PRKCE: variants seen among roughly 807,000 people sequenced by gnomAD.
PRKCE encodes protein kinase C epsilon type.
PRKCE carries 16 observed loss-of-function variants against 85.4 expected under a neutral mutation model. The ratio of observed to expected loss-of-function variants is 0.19; its 90% confidence interval spans 0.13 to 0.28. PRKCE has a LOEUF of 0.28. Among genes scored for constraint, PRKCE ranks in the 10% least tolerant of loss-of-function variants. The probability of loss-of-function intolerance (pLI) is 1.00; values close to 1 mark genes in which losing one functional copy is unlikely to be tolerated. For missense variants in PRKCE, 573 were observed against 975.2 expected (o/e 0.59, Z 5.49); for synonymous variants, 388 against 371.5 (o/e 1.04, Z -0.51).
chr2:45,864,292 T>A lies in PRKCE; in HGVS notation c.412+21229T>A, dbSNP rs367784933. On this transcript the variant is annotated intron_variant, in intron 2 of 14. Transcript: ENST00000306156. ...GGGAACGCATTTTAAGGGACGAAGG[T>A]TCATGGCTTTGCTCCAGCTCTCAGA... is the stretch of plus-strand genomic sequence containing the variant. 3.6e-4 allele frequency among the ~76,000 whole-genome samples: 55 copies of A among 152,200 alleles called. No homozygotes were observed. The South Asian group carries it at 0.011, about 31-fold the overall frequency.
chr2:45,978,903 G>T (rs1702666514), intron 3 of PRKCE, 73 bp from the exon 4 acceptor site: 1 of 1,393,948 alleles, frequency 7.2e-7, no homozygotes, highest in East Asian at 2.3e-5. Context: ...GCCCAAATTG[G>T]GTGGTTTTTC....
intron 1 of PRKCE, among the ~76,000 whole-genome samples, chr2:45,738,984 T>C (rs1682319995): frequency 6.6e-6 from 1 of 152,204 alleles, no homozygotes; most frequent in South Asian, 2.1e-4. Context: ...AGTCCAAGGA[T>C]AGATGGAAGC....
At chr2:46,005,939 C>T (rs931979155) in intron 8 of PRKCE, among the ~76,000 whole-genome samples, 1 of 152,156 alleles carries the variant, frequency 6.6e-6, no homozygotes, top group Non-Finnish European at 1.5e-5. Flanking sequence ...TTGGGAGCTT[C>T]AGGGAGACAG....
intron 2 of PRKCE, among the ~76,000 whole-genome samples, chr2:45,856,687 A>G (rs1256229008): frequency 6.6e-6 from 1 of 152,004 alleles, no homozygotes; most frequent in African/African-American, 2.4e-5. Flanking sequence ...CCATCGACCA[A>G]CTTCCCTCCA....
chr2:45,776,380 G>A (rs1344030366), intron 1 of PRKCE, among the ~76,000 whole-genome samples: 7 of 152,168 alleles, frequency 4.6e-5, no homozygotes, highest in South Asian at 2.1e-4. Context: ...CTCAGTAGGC[G>A]TTGGTGGACT....
In PRKCE at chr2:45,674,214, C is replaced by A. The variant is rs10199781; in HGVS notation, c.348+21766C>A. ...CGCTCCTTCCACTTCTGAGCCCCTC[C>A]AAGCCTGGGGCCCAGCCAGGATTCC... On this transcript the variant is annotated intron_variant, in intron 1 of 14. Transcript: ENST00000306156. 5.1e-3 allele frequency among the ~76,000 whole-genome samples: 784 copies of A among 152,296 alleles called. 3 individuals are homozygous for A. Among genetic ancestry groups the A allele is most frequent in the South Asian group, 0.023 (112 of 4,828 alleles).
intron 6 of PRKCE, among the ~76,000 whole-genome samples, chr2:45,988,697 G>A (rs967193203): frequency 7.2e-5 from 11 of 152,198 alleles, no homozygotes; most frequent in Admixed American, 5.9e-4. Context: ...CTGCGTCTGA[G>A]TCTCTCCAGA....
rs1219431893 is a variant in PRKCE at position 46,068,579 on chromosome 2, A to T, written c.1438-17629A>T. On this transcript the variant is annotated intron_variant, in intron 10 of 14. Coordinates refer to ENST00000306156, the MANE Select transcript of PRKCE (RefSeq NM_005400.3). This position sits in a 1 kb window ranked among gnomAD's most constrained non-coding sequence, Gnocchi z 4.3. ...TCTCTCTGATGTAACAATATAAGGC[A>T]ATGGTAGAAGGTTGTCACATACAGA... Among the ~76,000 whole-genome samples the T allele has an allele frequency of 6.6e-6, 1 of 152,248 alleles. No homozygotes were observed. The highest frequency in any genetic ancestry group is 1.5e-5 in the Non-Finnish European group (1 of 68,044).
intron 1 of PRKCE, among the ~76,000 whole-genome samples, chr2:45,751,809 A>ATTTTTTTTTTTTTTTTTTTTTTTTTT (rs34589907): frequency 2.5e-5 from 2 of 78,506 alleles, no homozygotes; most frequent in Non-Finnish European, 4.7e-5. Context: ...GCTAACCACT[A>ATTTTTTTTTTTTTTTTTTTTTTTTTT]TTTTTTTTTT....
intron 2 of PRKCE, among the ~76,000 whole-genome samples, chr2:45,854,172 C>T (rs1314705901): frequency 6.6e-6 from 1 of 152,224 alleles, no homozygotes. Flanking sequence ...GAACTGAGAC[C>T]TGGCCCGGTG....
chr2:45,802,889 G>C (rs1273752698), intron 1 of PRKCE, among the ~76,000 whole-genome samples: 2 of 152,168 alleles, frequency 1.3e-5, no homozygotes, highest in Non-Finnish European at 2.9e-5. Context: ...TTATTATTCA[G>C]TGTTTTTAGT....
At chr2:46,162,552 G>C (rs1346361712) in intron 14 of PRKCE, among the ~76,000 whole-genome samples, 1 of 152,144 alleles carries the variant, frequency 6.6e-6, no homozygotes, top group Non-Finnish European at 1.5e-5. Flanking sequence ...AGGGGGGCGG[G>C]GTCAGGGGAG....
At chr2:45,705,581 G>T (rs1187805290) in intron 1 of PRKCE, among the ~76,000 whole-genome samples, 1 of 152,216 alleles carries the variant, frequency 6.6e-6, no homozygotes, top group East Asian at 1.9e-4. Flanking sequence ...CTTAAGGATT[G>T]TCTGTTTTTT....
chr2:45,906,923 C>T (rs1279308879), intron 2 of PRKCE, among the ~76,000 whole-genome samples: 1 of 152,216 alleles, frequency 6.6e-6, no homozygotes, highest in Non-Finnish European at 1.5e-5. Flanking sequence ...ATGGGCTTCT[C>T]CTGCCGCCCT....
chr2:45,925,275 C>G (rs1224848298), intron 2 of PRKCE, among the ~76,000 whole-genome samples: 1 of 151,902 alleles, frequency 6.6e-6, no homozygotes, highest in Non-Finnish European at 1.5e-5. Flanking sequence ...TTCCCCTTTT[C>G]TCTCTAAGCA....
chr2:45,999,108 G>A (rs1400439168), intron 6 of PRKCE, among the ~76,000 whole-genome samples: 2 of 152,066 alleles, frequency 1.3e-5, no homozygotes. Context: ...ACCATTAGCT[G>A]TTAAATTAAT....
At chr2:46,133,497 A>C (rs559417985) in intron 11 of PRKCE, among the ~76,000 whole-genome samples, 3 of 152,352 alleles carry the variant, frequency 2.0e-5, no homozygotes, top group African/African-American at 7.2e-5. Flanking sequence ...GTAGAAACTC[A>C]ATAACTATTA....
At chr2:45,882,889 C>A (rs1369143387) in intron 2 of PRKCE, among the ~76,000 whole-genome samples, 1 of 152,238 alleles carries the variant, frequency 6.6e-6, no homozygotes, top group Non-Finnish European at 1.5e-5. Flanking sequence ...AGGCTCCCTG[C>A]AAAAGGACTT....
At chr2:45,978,917 T>C (rs368759314) in intron 3 of PRKCE, 59 bp from the exon 4 acceptor site, 4 of 1,546,058 alleles carry the variant, frequency 2.6e-6, no homozygotes, top group East Asian at 2.2e-5. Context: ...GTTTTTCTGT[T>C]TGTTTTTTGA....
Sources: gnomAD v4.1 joint callset for allele counts (sites outside exome capture counted in the v4.1 genomes callset) on GRCh38, gnomAD v4.1.1 for gene constraint, Gnocchi (gnomAD v3.1) non-coding constraint, MANE v1.5 for transcripts, NCBI Gene and HGNC (gene_info 2026-07-23, HGNC 2026-07-21) for gene names.